Variants in CNNM3 observed in about 807,000 individuals in gnomAD.
CNNM3 encodes metal transporter CNNM3.
Under a neutral mutation model 57.1 loss-of-function variants are expected in CNNM3, and 47 were observed. That is an observed-to-expected ratio of 0.82 (90% CI 0.65 to 1.05). CNNM3 has a LOEUF of 1.05. Among genes scored for constraint, CNNM3 ranks in the 50% least tolerant of loss-of-function variants. The probability of loss-of-function intolerance (pLI) is 0.00; values close to 1 mark genes in which losing one functional copy is unlikely to be tolerated. For missense variants in CNNM3, 957 were observed against 973.7 expected (o/e 0.98, Z 0.23); for synonymous variants, 507 against 478.2 (o/e 1.06, Z -0.79).
In CNNM3 at chr2:96,826,941, C is replaced by T. The variant is rs1355613945; in HGVS notation, c.1478C>T (p.Ser493Leu). 3.1e-6 allele frequency: 5 copies of T among 1,614,082 alleles called. No individual in the cohort carries two copies. The highest frequency in any genetic ancestry group is 2.7e-5 in the African/African-American group (2 of 74,936). ...GATGATGAATATAAAGTAACAATCT[C>T]GCCTCAGCTGCTCTTGGCCACCCAG... Reference protein sequence around the residue: ...VSDDEYKVTISPQLLLATQRF... With the variant: ...VSDDEYKVTILPQLLLATQRF... The change falls in exon 3 of 8, where the codon TCG becomes TTG. Residue 493 changes from serine (S) to leucine (L), a missense_variant. By Grantham distance (145) the Ser-to-Leu change is moderately radical. Transcript: ENST00000305510.
At chr2:96,827,698 GTGGACACT>G (rs766378650) in intron 3 of CNNM3, 25 bp from the exon 4 acceptor site, 2 of 1,598,516 alleles carry the variant, frequency 1.3e-6, no homozygotes, top group East Asian at 4.5e-5. Flanking sequence ...CTAGGCCCCA[GTGGACACT>G]GTCCCTTTTT....
chr2:96,823,697 CTGTT>C (rs1310669036), intron 1 of CNNM3, among the ~76,000 whole-genome samples: 8 of 152,228 alleles, frequency 5.3e-5, no homozygotes, highest in Non-Finnish European at 1.0e-4. Context: ...ACAAACTTGA[CTGTT>C]TGATTTCCCA....
chr2:96,823,504 T>C (rs912692078), intron 1 of CNNM3, among the ~76,000 whole-genome samples: 3 of 152,200 alleles, frequency 2.0e-5, no homozygotes, highest in African/African-American at 7.2e-5. Context: ...AGAAGGTGTC[T>C]AGAAACGCGG....
chr2:96,836,081 TC>T (rs61415815), downstream of CNNM3, among the ~76,000 whole-genome samples: 1 of 113,826 alleles, frequency 8.8e-6, no homozygotes, highest in Non-Finnish European at 1.7e-5. Flanking sequence ...CCCCTCCCCC[TC>T]CCCCCCTTTT....
intron 2 of CNNM3, among the ~76,000 whole-genome samples, chr2:96,826,036 G>A (rs746430792): frequency 6.6e-6 from 1 of 152,190 alleles, no homozygotes; most frequent in Non-Finnish European, 1.5e-5. Flanking sequence ...CATGCTTCCA[G>A]AAGTATCGCT....
At position 96,816,471 on chromosome 2, in the gene CNNM3, G is replaced by C; in HGVS notation, c.194G>C (p.Arg65Pro). Residue 65 changes from arginine (R) to proline (P), a missense_variant, in exon 1 of 8, where the codon CGC (arginine) becomes CCC (proline). Arg to Pro is a moderately radical substitution (Grantham distance 103). Transcript: ENST00000305510. ...RDTPDATFLL[R>P]LFGPGFANSS... is the part of the protein sequence containing the mutation. ...ACGCCGGACGCCACCTTCCTCCTGC[G>C]CCTCTTCGGCCCGGGCTTCGCCAAC... The C allele has an allele frequency of 6.9e-7, 1 of 1,457,426 alleles. No individual in the cohort carries two copies. 90.3% of individuals were successfully genotyped at this position (1,457,426 alleles called of 1,614,324 possible).
chr2:96,818,021 T>G (rs2079351193), intron 1 of CNNM3, among the ~76,000 whole-genome samples: 1 of 152,314 alleles, frequency 6.6e-6, no homozygotes, highest in East Asian at 1.9e-4. Context: ...GGTATTTAGG[T>G]GTCAATCCCT....
intron 3 of CNNM3, 42 bp from the exon 4 acceptor site, chr2:96,827,689 T>C: frequency 6.3e-7 from 1 of 1,586,762 alleles, no homozygotes; most frequent in Non-Finnish European, 8.6e-7. Context: ...CACTGGCCAC[T>C]AGGCCCCAGT....
intron 5 of CNNM3, 174 bp from the exon 6 acceptor site, chr2:96,828,393 C>G (rs1307545928): frequency 2.6e-5 from 23 of 898,698 alleles, no homozygotes; most frequent in Non-Finnish European, 2.9e-5. Context: ...CCACTCCACC[C>G]CTGCAAAACC....
intron 1 of CNNM3, among the ~76,000 whole-genome samples, chr2:96,818,194 T>C (rs6576985): frequency 0.087 from 13,297 of 152,124 alleles, 1,895 homozygotes; most frequent in African/African-American, 0.3. Context: ...CAAGCAGTTC[T>C]CCTGCCTCAG....
chr2:96,817,568 A>C, intron 1 of CNNM3, 66 bp downstream of exon 1: 1 of 1,479,414 alleles, frequency 6.8e-7, no homozygotes, highest in East Asian at 2.3e-5. Context: ...AGGGGTGGAG[A>C]GTTATGGAAG....
chr2:96,824,839 G>C, intron 1 of CNNM3: 1 of 578,710 alleles, frequency 1.7e-6, no homozygotes. Flanking sequence ...ATGGGCATGA[G>C]CCCACTGCTT....
In CNNM3 at chr2:96,817,357, G is replaced by A. The variant is rs376328896; in HGVS notation, c.1080G>A (p.Val360=). The change falls in exon 1 of 8, where the codon GTG becomes GTA. Residue 360 remains valine (V), a synonymous_variant. Transcript: ENST00000305510. The part of the protein sequence containing the change: ...PVYEEERSNI[V]DMLYLKDLAF... ...ACGAGGAGGAGCGCTCCAACATCGT[G>A]GACATGCTCTACCTCAAGGACTTGG... is the stretch of plus-strand genomic sequence containing the variant. The A allele has an allele frequency of 1.2e-6, 2 of 1,614,162 alleles. No homozygotes were observed. Among genetic ancestry groups the A allele is most frequent in the East Asian group, 4.5e-5 (2 of 44,878 alleles).
chr2:96,832,731 A>G lies in CNNM3; in HGVS notation c.*115A>G. 6.4e-7 allele frequency: 1 copy of G among 1,570,158 alleles called. No individual in the cohort carries two copies. The highest frequency in any genetic ancestry group is 1.1e-5 in the South Asian group (1 of 87,798). On this transcript the variant is annotated 3_prime_UTR_variant, in exon 8 of 8. Coordinates refer to ENST00000305510, the MANE Select transcript of CNNM3 (RefSeq NM_017623.5). ...CCATCCCCTCCAGGCCACGTTTTAGATGGCCCTTGTAGTTGCGGGTCCTGG... is the reference window on the plus strand; with the variant it reads ...CCATCCCCTCCAGGCCACGTTTTAGGTGGCCCTTGTAGTTGCGGGTCCTGG...
chr2:96,816,770 G>T lies in CNNM3; in HGVS notation c.493G>T (p.Glu165Ter). 1 of 1,020,886 alleles carries T rather than the reference G, an allele frequency of 9.8e-7. No homozygotes were observed. The highest frequency in any genetic ancestry group is 1.2e-6 in the Non-Finnish European group (1 of 855,504). 63.2% of individuals were successfully genotyped at this position (1,020,886 alleles called of 1,614,324 possible). The change falls in exon 1 of 8, where the codon GAG becomes TAG. Residue 165 changes from glutamate (E) to a stop codon, truncating the protein, a stop_gained. Coordinates refer to ENST00000305510, the MANE Select transcript of CNNM3 (RefSeq NM_017623.5). LOFTEE classifies it high-confidence loss of function. Reference protein sequence around the residue: ...QLSALALAPAEVQVLRESGSE... With the variant: ...QLSALALAPA The stretch of plus-strand genomic sequence containing the variant: ...GAGCGCGCTGGCGCTGGCGCCTGCC[G>T]AGGTGCAGGTGCTGCGCGAGAGCGG...
At chr2:96,825,579 C>G (rs1318778322) in intron 2 of CNNM3, among the ~76,000 whole-genome samples, 1 of 152,178 alleles carries the variant, frequency 6.6e-6, no homozygotes, top group Non-Finnish European at 1.5e-5. Flanking sequence ...ACAGAAATGT[C>G]CCCTGAAAGA....
At position 96,833,649 on chromosome 2, in the gene CNNM3, TG is replaced by T. The variant is rs775169602; in HGVS notation, c.*1034del. The T allele has an allele frequency of 6.6e-6, 1 of 152,278 alleles. No individual in the cohort carries two copies. The highest frequency in any genetic ancestry group is 1.5e-5 in the Non-Finnish European group (1 of 68,070). The allele number at this position is 152,278 out of a possible 1,614,324, so 9.4% of individuals were successfully genotyped here. ...AGAGAAGTGGGAACAGGAAGGCATT[TG>T]TCTTTTTCTTCTAGTTTACTACATT... On this transcript the variant is annotated 3_prime_UTR_variant, in exon 8 of 8. Transcript: ENST00000305510.
At chr2:96,828,467 G>A (rs2079547175) in intron 5 of CNNM3, 100 bp from the exon 6 acceptor site, 2 of 1,422,874 alleles carry the variant, frequency 1.4e-6, no homozygotes, top group African/African-American at 2.8e-5. Context: ...CAGAGTGATT[G>A]GTGGGGTGGG....
chr2:96,818,383 C>CT (rs755863198), intron 1 of CNNM3, among the ~76,000 whole-genome samples: 11,256 of 125,282 alleles, frequency 0.09, 1,475 homozygotes, highest in African/African-American at 0.3. Context: ...GTGCCCGGCC[C>CT]TTTTTTTTTT....
Sources: allele counts gnomAD v4.1 joint callset (sites outside exome capture counted in the v4.1 genomes callset), GRCh38; gene constraint gnomAD v4.1.1; transcripts MANE v1.5; gene names NCBI Gene and HGNC (gene_info 2026-07-23, HGNC 2026-07-21).